PCDH9: variants seen among roughly 807,000 people sequenced by gnomAD.
PCDH9 encodes the protein protocadherin 9.
A neutral mutation model predicts 70.6 loss-of-function variants in PCDH9; 24 were observed. The observed-to-expected ratio is 0.34, with a 90% CI of 0.25 to 0.48. PCDH9 has a LOEUF of 0.48. Ranked by LOEUF, PCDH9 falls within the 20% of genes least tolerant of loss-of-function variation. PCDH9 has a pLI of 0.99. For missense variants in PCDH9, 1,281 were observed against 1,503.6 expected (o/e 0.85, Z 2.45); for synonymous variants, 562 against 558.5 (o/e 1.01, Z -0.09).
chr13:66,612,261 T>A (rs1467865427), intron 4 of PCDH9, among the ~76,000 whole-genome samples: 1 of 152,100 alleles, frequency 6.6e-6, no homozygotes, highest in Non-Finnish European at 1.5e-5. Context: ...AAATAATGCA[T>A]CAAAAATTTT....
At chr13:67,154,169 A>G (rs571243087) in intron 2 of PCDH9, among the ~76,000 whole-genome samples, 79 of 152,310 alleles carry the variant, frequency 5.2e-4, no homozygotes, top group African/African-American at 1.8e-3. Flanking sequence ...AAAAGATTCT[A>G]TAGTCAGGTG....
intron 3 of PCDH9, among the ~76,000 whole-genome samples, chr13:66,718,301 T>C (rs2078897345): frequency 6.6e-6 from 1 of 152,188 alleles, no homozygotes; most frequent in South Asian, 2.1e-4. Context: ...TTTGTATATG[T>C]TGTGTTACTC....
At chr13:66,789,072 T>A in intron 3 of PCDH9, among the ~76,000 whole-genome samples, 1 of 152,182 alleles carries the variant, frequency 6.6e-6, no homozygotes, top group East Asian at 1.9e-4. Flanking sequence ...AAGCAACAGT[T>A]ACAGCAACAA....
chr13:66,931,224 C>T (rs1020968885), intron 2 of PCDH9, among the ~76,000 whole-genome samples: 1 of 151,962 alleles, frequency 6.6e-6, no homozygotes. Context: ...GAGTTCAATT[C>T]CATTTATATA....
chr13:66,308,107 A>C (rs1484519604), intron 4 of PCDH9, among the ~76,000 whole-genome samples: 1 of 152,066 alleles, frequency 6.6e-6, no homozygotes, highest in East Asian at 1.9e-4. Context: ...AGGGAAGTAA[A>C]AGGTGTCATT....
intron 4 of PCDH9, among the ~76,000 whole-genome samples, chr13:66,355,628 T>C (rs1956370420): frequency 6.6e-6 from 1 of 152,150 alleles, no homozygotes; most frequent in Non-Finnish European, 1.5e-5. Context: ...TATCGTACTG[T>C]TGGCCATTGA....
Position 66,320,871 on chromosome 13 carries a change from A to G in PCDH9, c.3341-15843T>C, listed in dbSNP as rs533608752. ...GGATGAAATGGTGTTATTTGACTAAACAGATGATTTTAAGATCATCACGTA... is the reference window on the plus strand; with the variant it reads ...GGATGAAATGGTGTTATTTGACTAAGCAGATGATTTTAAGATCATCACGTA... On this transcript the variant is annotated intron_variant, in intron 4 of 4. Coordinates refer to ENST00000377865, the MANE Select transcript of PCDH9 (RefSeq NM_203487.3). Among the ~76,000 whole-genome samples, 3 of 152,188 alleles carry G rather than the reference A, an allele frequency of 2.0e-5. No individual in the cohort carries two copies. In the East Asian group the frequency reaches 5.8e-4, roughly 29 times the overall value.
rs571329326 is a variant in PCDH9 at position 66,775,536 on chromosome 13, C to T, written c.3138+127968G>A. On this transcript the variant is annotated intron_variant, in intron 3 of 4. Transcript: ENST00000377865. ...TGAGAGAGCAAGACCAACCCCTCCT[C>T]TTTCTTCTCCTCCTCAGCCTACTCA... Among the ~76,000 whole-genome samples the T allele has an allele frequency of 2.6e-5, 4 of 152,268 alleles. No homozygotes were observed. In the East Asian group the frequency reaches 7.7e-4, roughly 29 times the overall value.
At chr13:66,931,167 T>A (rs1283289338) in intron 2 of PCDH9, among the ~76,000 whole-genome samples, 4 of 152,214 alleles carry the variant, frequency 2.6e-5, no homozygotes, top group Non-Finnish European at 5.9e-5. Context: ...TAGAGCTTTG[T>A]AAAATCTGCA....
intron 2 of PCDH9, among the ~76,000 whole-genome samples, chr13:66,920,117 C>A (rs1194953733): frequency 6.6e-6 from 1 of 151,004 alleles, no homozygotes; most frequent in Non-Finnish European, 1.5e-5. Context: ...TACTTGATAT[C>A]TAAACACTGT....
intron 3 of PCDH9, among the ~76,000 whole-genome samples, chr13:66,893,992 T>C (rs1366307738): frequency 6.6e-6 from 1 of 152,120 alleles, no homozygotes; most frequent in Non-Finnish European, 1.5e-5. Flanking sequence ...ATAAAATCCA[T>C]TAGTTATTTC....
chr13:66,573,265 CTT>C (rs57530466), intron 4 of PCDH9, among the ~76,000 whole-genome samples: 8 of 121,128 alleles, frequency 6.6e-5, no homozygotes, highest in African/African-American at 1.2e-4. Flanking sequence ...CATTTACCTA[CTT>C]TTTTTTTTTT....
chr13:66,388,598 A>G (rs1051123290), intron 4 of PCDH9, among the ~76,000 whole-genome samples: 4 of 152,168 alleles, frequency 2.6e-5, no homozygotes, highest in African/African-American at 9.7e-5. Flanking sequence ...ATTGAAAGAA[A>G]AATGTTCATG....
chr13:66,978,475 C>T (rs1056828464), intron 2 of PCDH9: 1 of 151,826 alleles, frequency 6.6e-6, no homozygotes, highest in Non-Finnish European at 1.5e-5. Flanking sequence ...CTTAAAGGTA[C>T]CTATTGTGCA....
In PCDH9 at chr13:66,321,075, A is replaced by G. The variant is rs1310231248; in HGVS notation, c.3341-16047T>C. 3.9e-5 allele frequency among the ~76,000 whole-genome samples: 6 copies of G among 151,988 alleles called. No individual in the cohort carries two copies. In the East Asian group the frequency reaches 1.2e-3, roughly 29 times the overall value. On this transcript the variant is annotated intron_variant, in intron 4 of 4. Transcript: ENST00000377865. ...ACCTCAGGCAGAGCTTAAGACATAT[A>G]CCAGGCCTTGCTACACTGTCTTAGC... is the stretch of plus-strand genomic sequence containing the variant.
At chr13:66,311,595 A>G (rs1453070311) in intron 4 of PCDH9, among the ~76,000 whole-genome samples, 2 of 152,082 alleles carry the variant, frequency 1.3e-5, no homozygotes, top group East Asian at 3.8e-4. Flanking sequence ...AAAATCCATT[A>G]ATTTGCCTCA....
intron 3 of PCDH9, among the ~76,000 whole-genome samples, chr13:66,815,790 C>G (rs995234305): frequency 3.3e-5 from 5 of 151,814 alleles, no homozygotes; most frequent in African/African-American, 9.7e-5. Context: ...GGGTGAGGAT[C>G]GAAAAAAACT....
At chr13:66,890,081 C>T (rs751177707) in intron 3 of PCDH9, among the ~76,000 whole-genome samples, 5 of 151,984 alleles carry the variant, frequency 3.3e-5, no homozygotes, top group Non-Finnish European at 5.9e-5. Flanking sequence ...TAGCAGAGCC[C>T]GGGTATCTGG....
intron 2 of PCDH9, among the ~76,000 whole-genome samples, chr13:67,078,523 C>A (rs2085922911): frequency 6.6e-6 from 1 of 152,160 alleles, no homozygotes; most frequent in African/African-American, 2.4e-5. Context: ...TCTGTCTTTG[C>A]TCTTCCTACA....
Sources: allele counts gnomAD v4.1 joint callset (sites outside exome capture counted in the v4.1 genomes callset), GRCh38; gene constraint gnomAD v4.1.1; transcripts MANE v1.5; gene names NCBI Gene and HGNC (gene_info 2026-07-23, HGNC 2026-07-21).